Variants in MRTFA observed in about 807,000 individuals in gnomAD.
The protein encoded by MRTFA is myocardin related transcription factor A.
MRTFA carries 20 observed loss-of-function variants against 83.5 expected under a neutral mutation model. The observed-to-expected ratio is 0.24, with a 90% CI of 0.17 to 0.35. The LOEUF (loss-of-function observed/expected upper bound fraction) is 0.35. Among genes scored for constraint, MRTFA ranks in the 10% least tolerant of loss-of-function variants. The probability of loss-of-function intolerance (pLI) is 1.00; values close to 1 mark genes in which losing one functional copy is unlikely to be tolerated. For missense variants in MRTFA, 1,200 were observed against 1,224.7 expected (o/e 0.98, Z 0.30); for synonymous variants, 659 against 541.2 (o/e 1.22, Z -3.02).
At chr22:40,435,407 T>C (rs2053148980) in intron 5 of MRTFA, 92 bp downstream of exon 5, 1 of 1,391,144 alleles carries the variant, frequency 7.2e-7, no homozygotes, top group South Asian at 1.2e-5. Context: ...CTCAGAGTTC[T>C]ATGGAAAGCT....
rs1331777140 is a variant in MRTFA, at chr22:40,416,522, T to G, written c.2578+464A>C. Among the ~76,000 whole-genome samples the G allele has an allele frequency of 6.6e-6, 1 of 151,980 alleles. No homozygotes were observed. The highest frequency in any genetic ancestry group is 1.9e-4 in the East Asian group (1 of 5,190). The stretch of plus-strand genomic sequence containing the variant: ...AAGGCCTTCTTCCCCTTTCCTCAAC[T>G]CCACTCCAACCCGCCAGGTACTCCC... On this transcript the variant is annotated intron_variant, in intron 14 of 14. Coordinates refer to ENST00000355630, the MANE Select transcript of MRTFA (RefSeq NM_020831.6). This position sits in a 1 kb window ranked among gnomAD's most constrained non-coding sequence, Gnocchi z 4.2.
chr22:40,411,613 G>T lies in MRTFA; in HGVS notation c.2873C>A (p.Pro958Gln). ...CAATTCCGAGGTGTCCATGGGTGAC[G>T]GGGGGTGGTCCAGGATGGCAGTGCT... Residue 958 changes from proline to glutamine, a missense_variant, in exon 15 of 15, where the codon CCG becomes CAG. Pro to Gln is a moderately conservative substitution (Grantham distance 76). Transcript: ENST00000355630. 1 of 1,613,090 alleles carries T rather than the reference G, an allele frequency of 6.2e-7. No individual in the cohort carries two copies. The highest frequency in any genetic ancestry group is 2.2e-5 in the East Asian group (1 of 44,878).
chr22:40,431,315 G>C, intron 6 of MRTFA, 90 bp downstream of exon 6: 1 of 1,259,170 alleles, frequency 7.9e-7, no homozygotes, highest in Non-Finnish European at 1.2e-6. Flanking sequence ...AATGGGAGAA[G>C]AAAGAGGCAG....
chr22:40,484,715 C>T (rs1282809155), intron 3 of MRTFA, among the ~76,000 whole-genome samples: 1 of 152,094 alleles, frequency 6.6e-6, no homozygotes, highest in Non-Finnish European at 1.5e-5. Flanking sequence ...TTTCCTATTA[C>T]AGAATTCTTT....
chr22:40,593,759 G>A (rs1251548088), intron 2 of MRTFA, among the ~76,000 whole-genome samples: 1 of 152,194 alleles, frequency 6.6e-6, no homozygotes, highest in Non-Finnish European at 1.5e-5. Context: ...TGTGCTAAGT[G>A]TAGATGCAGC....
chr22:40,452,052 C>T (rs112391749), intron 4 of MRTFA, among the ~76,000 whole-genome samples: 3,784 of 134,486 alleles, frequency 0.028, 181 homozygotes, highest in African/African-American at 0.1. Context: ...GGTGTGATCT[C>T]GGCTCACTGC....
At chr22:40,627,327 T>C (rs1289893071) in intron 1 of MRTFA, among the ~76,000 whole-genome samples, 2 of 152,180 alleles carry the variant, frequency 1.3e-5, no homozygotes, top group Non-Finnish European at 2.9e-5. Flanking sequence ...TTGCCCAGGC[T>C]GGTCTTGAAC....
intron 6 of MRTFA, 133 bp from the exon 7 acceptor site, chr22:40,429,900 G>C: frequency 2.2e-6 from 2 of 916,974 alleles, no homozygotes; most frequent in South Asian, 3.4e-5. Flanking sequence ...ATTCCAAGCA[G>C]AGAAGAGTGG....
chr22:40,504,917 C>G (rs1009036717), intron 3 of MRTFA, among the ~76,000 whole-genome samples: 9 of 152,186 alleles, frequency 5.9e-5, no homozygotes, highest in African/African-American at 2.2e-4. Context: ...AAAGCTGATC[C>G]TCTACTTGCT....
intron 1 of MRTFA, among the ~76,000 whole-genome samples, chr22:40,596,529 C>T (rs2056194386): frequency 1.3e-5 from 2 of 152,100 alleles, no homozygotes; most frequent in African/African-American, 2.4e-5. Context: ...AGGCTGGGCG[C>T]AGTGACTCAC....
chr22:40,545,077 C>A (rs1041547355), intron 3 of MRTFA, among the ~76,000 whole-genome samples: 3 of 151,408 alleles, frequency 2.0e-5, no homozygotes, highest in Non-Finnish European at 2.9e-5. Context: ...TAAAAGAAAT[C>A]ACTTTCCATT....
At chr22:40,474,761 G>C (rs1428298025) in intron 3 of MRTFA, among the ~76,000 whole-genome samples, 1 of 152,194 alleles carries the variant, frequency 6.6e-6, no homozygotes, top group Non-Finnish European at 1.5e-5. Flanking sequence ...TGTGTGAAGA[G>C]TATTTCCAAA....
At chr22:40,538,741 A>G (rs1569318598) in intron 3 of MRTFA, among the ~76,000 whole-genome samples, 1 of 152,140 alleles carries the variant, frequency 6.6e-6, no homozygotes, top group Non-Finnish European at 1.5e-5. Flanking sequence ...CAGTTCCATT[A>G]TTTTTTGTGC....
intron 3 of MRTFA, among the ~76,000 whole-genome samples, chr22:40,500,154 C>G (rs2147219919): frequency 6.6e-6 from 1 of 151,030 alleles, no homozygotes; most frequent in East Asian, 1.9e-4. Flanking sequence ...TGGTCTCGAA[C>G]TCCTGATCTT....
Position 40,420,853 on chromosome 22 carries a change from G to A in MRTFA, c.1175C>T (p.Pro392Leu), listed in dbSNP as rs937876523. ...GTGAGGAGCGGGTGCCTACTTTGGC[G>A]GGGCAGGCAGGATGGCCTGGTAGTT... is the stretch of plus-strand genomic sequence containing the variant. Residue 392 changes from proline (P) to leucine (L), a missense_variant, in exon 10 of 15, where the codon CCG (proline) becomes CTG (leucine). Physicochemically the swap from Pro to Leu is moderately conservative, Grantham distance 98. Around this residue, in one of 2 missense-constraint regions of MRTFA, gnomAD observed 1,107 missense variants for 1,041.8 expected, o/e 1.06. Coordinates refer to ENST00000355630, the MANE Select transcript of MRTFA (RefSeq NM_020831.6). 1.4e-5 allele frequency: 22 copies of A among 1,613,482 alleles called. No individual in the cohort carries two copies. The highest frequency in any genetic ancestry group is 1.8e-5 in the Non-Finnish European group (21 of 1,179,912).
At chr22:40,512,199 C>T (rs114680345) in intron 3 of MRTFA, among the ~76,000 whole-genome samples, 309 of 152,266 alleles carry the variant, frequency 2.0e-3, no homozygotes, top group African/African-American at 7.0e-3. Context: ...AGATTAAGAT[C>T]ATACAGTTCT....
chr22:40,520,838 G>C (rs944143212), intron 3 of MRTFA, among the ~76,000 whole-genome samples: 1 of 151,910 alleles, frequency 6.6e-6, no homozygotes, highest in African/African-American at 2.4e-5. Flanking sequence ...CCACTTTTTA[G>C]CTATTTTGAA....
At chr22:40,432,615 G>C (rs1446972877) in intron 5 of MRTFA, among the ~76,000 whole-genome samples, 1 of 151,390 alleles carries the variant, frequency 6.6e-6, no homozygotes, top group African/African-American at 2.4e-5. Context: ...CAAGCCAAAG[G>C]ACACTAGGCA....
intron 3 of MRTFA, among the ~76,000 whole-genome samples, chr22:40,481,662 T>C (rs571433057): frequency 4.6e-5 from 7 of 152,154 alleles, no homozygotes; most frequent in Admixed American, 2.6e-4. Context: ...CTAAATAATA[T>C]GACAAACCAT....
Sources: allele counts gnomAD v4.1 joint callset (sites outside exome capture counted in the v4.1 genomes callset), GRCh38; gene constraint gnomAD v4.1.1; regional missense constraint gnomAD v4.1.1; non-coding constraint Gnocchi (gnomAD v3.1); transcripts MANE v1.5; gene names NCBI Gene and HGNC (gene_info 2026-07-23, HGNC 2026-07-21).